Variants in EVC2 observed in about 807,000 individuals in gnomAD.
The protein encoded by EVC2 is EvC ciliary complex subunit 2.
Under a neutral mutation model 149.3 loss-of-function variants are expected in EVC2, and 148 were observed. That is an observed-to-expected ratio of 0.99 (90% CI 0.87 to 1.14). The LOEUF (loss-of-function observed/expected upper bound fraction) is 1.14. EVC2 is among the 50% of genes most tolerant of loss of function. EVC2 has a pLI of 0.00. For missense variants in EVC2, 1,854 were observed against 1,627.3 expected, an observed-to-expected ratio of 1.14 and a Z score of -2.40; for synonymous variants, 776 against 649.9, an observed-to-expected ratio of 1.19 and a Z score of -2.95.
chr4:5,585,651 T>C (rs1378062365), intron 16 of EVC2, among the ~76,000 whole-genome samples: 1 of 152,166 alleles, frequency 6.6e-6, no homozygotes, highest in African/African-American at 2.4e-5. Flanking sequence ...CAGTACACAA[T>C]GTGATAAACT....
intron 21 of EVC2, among the ~76,000 whole-genome samples, chr4:5,550,195 C>T (rs572914562): frequency 6.6e-6 from 1 of 152,250 alleles, no homozygotes; most frequent in Non-Finnish European, 1.5e-5. Flanking sequence ...AACTTTGGAA[C>T]TGGGTATCAG....
intron 8 of EVC2, among the ~76,000 whole-genome samples, chr4:5,663,796 CTGTAAT>C (rs1248061187): frequency 6.6e-6 from 1 of 152,132 alleles, no homozygotes; most frequent in Non-Finnish European, 1.5e-5. Flanking sequence ...TGGCAGGCAC[CTGTAAT>C]CCCAGCTACT....
Position 5,633,601 on chromosome 4 carries a change from C to A in EVC2, c.1471-1569G>T, listed in dbSNP as rs190477511. ...TGAAGCGAAGGCAGGGAAAGGCTTA[C>A]GCGTGCAGGATGCGTGGGTACAGCC... On this transcript the variant is annotated intron_variant, in intron 10 of 21. Transcript: ENST00000344408. The surrounding 1 kb of genome is among the most constrained non-coding windows in gnomAD (Gnocchi z 4.4). Among the ~76,000 whole-genome samples the A allele has an allele frequency of 6.6e-6, 1 of 152,334 alleles. No individual in the cohort carries two copies. Among genetic ancestry groups the A allele is most frequent in the Non-Finnish European group, 1.5e-5 (1 of 68,030 alleles).
At chr4:5,681,194 G>A in intron 7 of EVC2, 66 bp downstream of exon 7, 3 of 1,583,090 alleles carry the variant, frequency 1.9e-6, no homozygotes, top group Non-Finnish European at 2.6e-6. Context: ...ATGGCTCCAA[G>A]GACAGGCAGG....
rs139898268 is a variant in EVC2, at chr4:5,603,508, G to A, written c.2829+11914C>T. Among the ~76,000 whole-genome samples, 176 of 152,318 alleles carry A rather than the reference G, an allele frequency of 1.2e-3. 1 individual carries two copies. The highest frequency in any genetic ancestry group is 3.4e-3 in the Middle Eastern group (1 of 294). On this transcript the variant is annotated intron_variant, in intron 16 of 21. Transcript: ENST00000344408. Reference sequence around the variant, plus strand: ...CTGAAAAGCAGCACATTATTCTGATGCTTAAACTCTAGTCCCTTCTGAAGT... The same window carrying A: ...CTGAAAAGCAGCACATTATTCTGATACTTAAACTCTAGTCCCTTCTGAAGT...
intron 11 of EVC2, among the ~76,000 whole-genome samples, chr4:5,629,770 G>A (rs187620789): frequency 2.6e-5 from 4 of 152,334 alleles, no homozygotes; most frequent in Admixed American, 6.5e-5. Flanking sequence ...ACCAGAATCC[G>A]TGTAACAGGA....
At chr4:5,601,520 G>GA (rs60341202) in intron 16 of EVC2, among the ~76,000 whole-genome samples, 210 of 136,398 alleles carry the variant, frequency 1.5e-3, no homozygotes, top group South Asian at 3.1e-3. Flanking sequence ...TAAAAAAAAG[G>GA]AAAAAAAAAA....
In EVC2 at chr4:5,627,534, G is replaced by C. The variant is rs181600280; in HGVS notation, c.1886+1025C>G. Among the ~76,000 whole-genome samples, 514 of 152,310 alleles carry C rather than the reference G, an allele frequency of 3.4e-3. 1 individual carries two copies. The highest frequency in any genetic ancestry group is 4.1e-3 in the Non-Finnish European group (277 of 68,030). On this transcript the variant is annotated intron_variant, in intron 12 of 21. Transcript: ENST00000344408. Reference sequence around the variant, plus strand: ...GTCCCAACAAGGTTACCTAGTAGCGGAACCACAGTAAAACAACAGATTGTC... The same window carrying C: ...GTCCCAACAAGGTTACCTAGTAGCGCAACCACAGTAAAACAACAGATTGTC...
chr4:5,682,761 AGAGAG>A (rs1376527504), intron 6 of EVC2, among the ~76,000 whole-genome samples: 2 of 151,566 alleles, frequency 1.3e-5, no homozygotes, highest in Non-Finnish European at 2.9e-5. Flanking sequence ...CAGGAGGCTG[AGAGAG>A]GAGAATCGCT....
Position 5,663,261 on chromosome 4 carries a change from C to A in EVC2, c.1006-15G>T, listed in dbSNP as rs371325268. On this transcript the variant is annotated splice_polypyrimidine_tract_variant and intron_variant, in intron 8 of 21. Transcript: ENST00000344408. ...TACTGCCAAACCTTCAGGAGAATTG[C>A]GGAAATAATAATTGATTGGGCCTTC... 375 of 1,613,728 alleles carry A rather than the reference C, an allele frequency of 2.3e-4. 1 individual carries two copies. Among genetic ancestry groups the A allele is most frequent in the South Asian group, 1.3e-3 (118 of 91,062 alleles).
intron 7 of EVC2, among the ~76,000 whole-genome samples, chr4:5,672,635 T>A (rs1038677866): frequency 6.6e-6 from 1 of 152,082 alleles, no homozygotes; most frequent in African/African-American, 2.4e-5. Context: ...AGGTTAAAAA[T>A]AGAATTACCA....
At chr4:5,641,532 C>T (rs1223610677) in intron 9 of EVC2, among the ~76,000 whole-genome samples, 5 of 152,136 alleles carry the variant, frequency 3.3e-5, no homozygotes, top group Non-Finnish European at 7.3e-5. Context: ...GTTCTGAAAC[C>T]TGACTGGCGG....
At chr4:5,537,756 C>G in the EVC2 span, among the ~76,000 whole-genome samples, 1 of 152,180 alleles carries the variant, frequency 6.6e-6, no homozygotes, top group South Asian at 2.1e-4. Context: ...CAGTCCGGAA[C>G]TGACATTATT....
chr4:5,595,914 C>G (rs955894756), intron 16 of EVC2, among the ~76,000 whole-genome samples: 1 of 152,128 alleles, frequency 6.6e-6, no homozygotes, highest in African/African-American at 2.4e-5. Flanking sequence ...GCAGGGGTTG[C>G]AATCCTAGTC....
rs905076555 is a variant in EVC2, at chr4:5,637,807, CTT to C, written c.1470+2705_1470+2706del. The stretch of plus-strand genomic sequence containing the variant: ...ACTGAGTTGTGGGATGGGCTTCTCT[CTT>C]TTTTTTTTTTTTCAGGGCTTTTTCT... On this transcript the variant is annotated intron_variant, in intron 10 of 21. Coordinates refer to ENST00000344408, the MANE Select transcript of EVC2 (RefSeq NM_147127.5). This position sits in a 1 kb window ranked among gnomAD's most constrained non-coding sequence, Gnocchi z 4.4. Among the ~76,000 whole-genome samples, 9 of 138,974 alleles carry C rather than the reference CTT, an allele frequency of 6.5e-5. No individual in the cohort carries two copies. Among genetic ancestry groups the C allele is most frequent in the Non-Finnish European group, 4.7e-5 (3 of 63,716 alleles). The allele number at this position is 138,974 out of a possible 152,430, so 91.2% of individuals were successfully genotyped here.
intron 9 of EVC2, among the ~76,000 whole-genome samples, chr4:5,653,056 T>C (rs1057316626): frequency 6.6e-6 from 1 of 152,154 alleles, no homozygotes; most frequent in African/African-American, 2.4e-5. Flanking sequence ...ACCCTTGGTG[T>C]TCCTTAGCTT....
chr4:5,679,281 G>C lies in EVC2; in HGVS notation c.870+1979C>G, dbSNP rs1577242906. On this transcript the variant is annotated intron_variant, in intron 7 of 21. Transcript: ENST00000344408. The surrounding 1 kb of genome is among the most constrained non-coding windows in gnomAD (Gnocchi z 5.1). ...GACAGAGTCTCACTCTGTTAACCAGGCTGGAGTGCAGTGGCATGATCTCGG... is the reference window on the plus strand; with the variant it reads ...GACAGAGTCTCACTCTGTTAACCAGCCTGGAGTGCAGTGGCATGATCTCGG... 6.6e-6 allele frequency among the ~76,000 whole-genome samples: 1 copy of C among 152,214 alleles called. No homozygotes were observed. The highest frequency in any genetic ancestry group is 2.4e-5 in the African/African-American group (1 of 41,556).
At chr4:5,692,560 C>T (rs899980346) in intron 3 of EVC2, among the ~76,000 whole-genome samples, 2 of 152,168 alleles carry the variant, frequency 1.3e-5, no homozygotes, top group Non-Finnish European at 2.9e-5. Flanking sequence ...GTGTAACCCT[C>T]TCATTGTGTA....
At chr4:5,566,913 C>G (rs1177146290) in intron 20 of EVC2, among the ~76,000 whole-genome samples, 1 of 152,136 alleles carries the variant, frequency 6.6e-6, no homozygotes, top group Non-Finnish European at 1.5e-5. Context: ...TCCGTGCACG[C>G]AGGCAGGCAG....
Sources: gnomAD v4.1 joint callset for allele counts (sites outside exome capture counted in the v4.1 genomes callset) on GRCh38, gnomAD v4.1.1 for gene constraint, Gnocchi (gnomAD v3.1) non-coding constraint, MANE v1.5 for transcripts, NCBI Gene and HGNC (gene_info 2026-07-23, HGNC 2026-07-21) for gene names.